Variants in MLXIP observed in about 807,000 individuals in gnomAD.
The protein encoded by MLXIP is MLX-interacting protein.
MLXIP carries 30 observed loss-of-function variants against 87.2 expected under a neutral mutation model. The observed-to-expected ratio is 0.34, with a 90% CI of 0.26 to 0.47. The LOEUF (loss-of-function observed/expected upper bound fraction) is 0.47. Ranked by LOEUF, MLXIP falls within the 20% of genes least tolerant of loss-of-function variation. The pLI, the probability that MLXIP is intolerant of heterozygous loss-of-function variation, is 1.00. For synonymous variants in MLXIP, 530 were observed against 514.0 expected, an observed-to-expected ratio of 1.03 and a Z score of -0.42; for missense variants, 1,002 against 1,240.1, an observed-to-expected ratio of 0.81 and a Z score of 2.88.
intron 1 of MLXIP, among the ~76,000 whole-genome samples, chr12:122,109,407 T>G (rs1026584756): frequency 1.3e-5 from 2 of 152,386 alleles, no homozygotes; most frequent in Admixed American, 6.5e-5. Context: ...TTTTGCCATG[T>G]TGGCCAGGCT....
intron 1 of MLXIP, among the ~76,000 whole-genome samples, chr12:122,090,349 T>C (rs937842983): frequency 1.3e-5 from 2 of 151,846 alleles, no homozygotes; most frequent in African/African-American, 4.8e-5. Context: ...TACAAAAAAA[T>C]TAGCTGGTGT....
chr12:122,115,633 G>A (rs1952679621), intron 1 of MLXIP, among the ~76,000 whole-genome samples: 1 of 146,162 alleles, frequency 6.8e-6, no homozygotes, highest in East Asian at 2.0e-4. Context: ...ACACAAATAT[G>A]TAACCTACAT....
intron 6 of MLXIP, 92 bp downstream of exon 6, chr12:122,130,204 C>G: frequency 7.7e-7 from 1 of 1,300,510 alleles, no homozygotes; most frequent in South Asian, 1.4e-5. Flanking sequence ...AGGGCCATCT[C>G]TGAGCTGCTG....
At chr12:122,117,267 A>C (rs1054950736) in intron 1 of MLXIP, among the ~76,000 whole-genome samples, 2 of 151,934 alleles carry the variant, frequency 1.3e-5, no homozygotes, top group African/African-American at 4.8e-5. Flanking sequence ...AGGACCTGAA[A>C]CCCCCTGGGG....
intron 1 of MLXIP, among the ~76,000 whole-genome samples, chr12:122,091,562 C>G (rs184545641): frequency 2.0e-5 from 3 of 152,228 alleles, no homozygotes; most frequent in African/African-American, 4.8e-5. Context: ...CAAAAAAAGA[C>G]TTTTTCTTCT....
intron 1 of MLXIP, among the ~76,000 whole-genome samples, chr12:122,081,262 C>G (rs1215873210): frequency 1.3e-5 from 2 of 152,170 alleles, no homozygotes; most frequent in Admixed American, 1.3e-4. Flanking sequence ...GGTCGGCCAC[C>G]TAAGGTCTAC....
At chr12:122,115,261 C>A (rs932041630) in intron 1 of MLXIP, among the ~76,000 whole-genome samples, 8 of 151,796 alleles carry the variant, frequency 5.3e-5, no homozygotes, top group African/African-American at 1.9e-4. Flanking sequence ...GGTGGGAGGG[C>A]AGGCAGGGAA....
rs753470448 is a variant in MLXIP, at chr12:122,138,894, G to A, written c.2464G>A (p.Glu822Lys). The A allele has an allele frequency of 8.7e-6, 14 of 1,613,942 alleles. No homozygotes were observed. The African/African-American group carries it at 1.6e-4, about 18-fold the overall frequency. The part of the protein sequence containing the change: ...QFDHMKDMFD[E>K]YVKTRTLQNW... ...TGATCACATGAAAGACATGTTTGAC[G>A]AATACGTGAAAACCCGGACCTTGCA... The change falls in exon 15 of 17, where the codon GAA becomes AAA. Residue 822 changes from glutamate (E) to lysine (K), a missense_variant. Glu to Lys is a moderately conservative substitution (Grantham distance 56, BLOSUM62 1). Transcript: ENST00000319080.
rs1341784095 is a variant in MLXIP at position 122,138,812 on chromosome 12, C to T, written c.2385-3C>T. 3 of 1,612,936 alleles carry T rather than the reference C, an allele frequency of 1.9e-6. No individual in the cohort carries two copies. Among genetic ancestry groups the T allele is most frequent in the African/African-American group, 1.3e-5 (1 of 75,042 alleles). ...ACAGCTCCCACGGCTCCTGTCATTT[C>T]AGCTCCTGCCAGCAGCTGCTCCCTG... On this transcript the variant is annotated splice_region_variant and splice_polypyrimidine_tract_variant and intron_variant, in intron 14 of 16. Transcript: ENST00000319080.
Position 122,134,264 on chromosome 12 carries a change from G to A in MLXIP, c.1732+277G>A, listed in dbSNP as rs57368856. The A allele has an allele frequency of 3.3e-3, 1,441 of 434,648 alleles. 16 individuals are homozygous for A. Among genetic ancestry groups the A allele is most frequent in the African/African-American group, 0.027 (1,313 of 47,890 alleles). 26.9% of individuals were successfully genotyped at this position (434,648 alleles called of 1,614,324 possible). A position where few individuals can be genotyped will look rare whatever the true frequency, so the allele number is the denominator to read the frequency against. ...GGCTGGAGTGCAGTGGCATAATCTC[G>A]GCTCACTGCAACCGCCCCCTCCCGG... On this transcript the variant is annotated intron_variant, in intron 9 of 16. Transcript: ENST00000319080.
At chr12:122,094,634 GGTGTTGGTGTGTGTGGT>G (rs1952318843) in intron 1 of MLXIP, among the ~76,000 whole-genome samples, 1 of 145,394 alleles carries the variant, frequency 6.9e-6, no homozygotes, top group Non-Finnish European at 1.5e-5. Flanking sequence ...CGGTGTCTGT[GGTGTTGGTGTGTGTGGT>G]GTGTTGGTGT....
At chr12:122,131,746 T>A (rs1952982956) in intron 7 of MLXIP, among the ~76,000 whole-genome samples, 1 of 151,664 alleles carries the variant, frequency 6.6e-6, no homozygotes, top group South Asian at 2.1e-4. Context: ...TTTGTTATTT[T>A]GAGACAGAGC....
At chr12:122,082,668 C>T (rs1486342297) in intron 1 of MLXIP, among the ~76,000 whole-genome samples, 3 of 152,208 alleles carry the variant, frequency 2.0e-5, no homozygotes. Flanking sequence ...GCTGAGCTTT[C>T]AAATGCCTGC....
chr12:122,112,480 T>A (rs908708677), intron 1 of MLXIP, among the ~76,000 whole-genome samples: 1 of 151,694 alleles, frequency 6.6e-6, no homozygotes, highest in Non-Finnish European at 1.5e-5. Context: ...CTACTAAAAA[T>A]ATATATATAA....
intron 1 of MLXIP, among the ~76,000 whole-genome samples, chr12:122,093,344 TTG>T (rs1409177059): frequency 5.6e-5 from 8 of 142,822 alleles, no homozygotes; most frequent in South Asian, 2.3e-4. Context: ...TGTCTGTGTA[TTG>T]TGTGTGTTGG....
At chr12:122,110,283 ATC>A (rs1952583883) in intron 1 of MLXIP, among the ~76,000 whole-genome samples, 1 of 151,722 alleles carries the variant, frequency 6.6e-6, no homozygotes, top group South Asian at 2.1e-4. Flanking sequence ...GGAGATGCTT[ATC>A]TCTCTTTTTT....
At position 122,143,323 on chromosome 12, in the gene MLXIP, C is replaced by T. The variant is rs537854063; in HGVS notation, c.*1511C>T. On this transcript the variant is annotated 3_prime_UTR_variant, in exon 17 of 17. Coordinates refer to ENST00000319080, the MANE Select transcript of MLXIP (RefSeq NM_014938.6). ...CTCCTGCAGGCCTGCGGGGATCTCT[C>T]CCCACTTCAGGCCTCCGGCCAGCTG... The T allele has an allele frequency of 2.6e-5, 4 of 152,576 alleles. No individual in the cohort carries two copies. The South Asian group carries it at 8.3e-4, about 32-fold the overall frequency. The allele number at this position is 152,576 out of a possible 1,614,324, so 9.5% of individuals were successfully genotyped here. A position where few individuals can be genotyped will look rare whatever the true frequency, so the allele number is the denominator to read the frequency against.
chr12:122,135,358 C>G lies in MLXIP; in HGVS notation c.1854+13C>G. ...TGCCATCGCCAGGGTGAGGAGGGCC[C>G]TAGGCAGACCTGCAGTGTCCTTCTC... On this transcript the variant is annotated intron_variant, in intron 10 of 16. Transcript: ENST00000319080. This position sits in a 1 kb window ranked among gnomAD's most constrained non-coding sequence, Gnocchi z 5.3. 4 of 1,609,720 alleles carry G rather than the reference C, an allele frequency of 2.5e-6. No homozygotes were observed. The South Asian group carries it at 4.4e-5, about 18-fold the overall frequency.
At chr12:122,113,920 C>T (rs1368407869) in intron 1 of MLXIP, among the ~76,000 whole-genome samples, 3 of 149,676 alleles carry the variant, frequency 2.0e-5, no homozygotes, top group Admixed American at 6.6e-5. Context: ...CTCCTGACCT[C>T]GTGATCCGCC....
Sources: gnomAD v4.1 joint callset for allele counts (sites outside exome capture counted in the v4.1 genomes callset) on GRCh38, gnomAD v4.1.1 for gene constraint, Gnocchi (gnomAD v3.1) non-coding constraint, MANE v1.5 for transcripts, NCBI Gene and HGNC (gene_info 2026-07-23, HGNC 2026-07-21) for gene names.